PRKCA: variants seen among roughly 807,000 people sequenced by gnomAD.
The protein encoded by PRKCA is protein kinase C alpha type.
Under a neutral mutation model 87.0 loss-of-function variants are expected in PRKCA, and 27 were observed. That is an observed-to-expected ratio of 0.31 (90% CI 0.23 to 0.43). The LOEUF (loss-of-function observed/expected upper bound fraction) is 0.43, where lower values mean the gene tolerates loss of function less well. PRKCA is among the 20% of genes least tolerant of loss of function. The pLI is 1.00. For synonymous variants in PRKCA, 329 were observed against 311.1 expected (o/e 1.06, Z -0.61); for missense variants, 518 against 852.3 (o/e 0.61, Z 4.88).
intron 14 of PRKCA, among the ~76,000 whole-genome samples, chr17:66,781,604 G>A (rs988202831): frequency 3.9e-5 from 6 of 152,126 alleles, no homozygotes; most frequent in Non-Finnish European, 8.8e-5. Context: ...TCACAGGGAC[G>A]TGTATCGTAT....
intron 13 of PRKCA, among the ~76,000 whole-genome samples, chr17:66,762,165 C>T (rs1158653837): frequency 6.6e-6 from 1 of 152,136 alleles, no homozygotes; most frequent in African/African-American, 2.4e-5. Context: ...TTTCAGGTGC[C>T]AACAATCATT....
intron 2 of PRKCA, among the ~76,000 whole-genome samples, chr17:66,486,100 A>G (rs561571708): frequency 1.3e-5 from 2 of 150,508 alleles, no homozygotes; most frequent in South Asian, 2.1e-4. Flanking sequence ...TCTGAAATCA[A>G]CCCCCAAACA....
chr17:66,450,153 TC>T (rs897114968), intron 2 of PRKCA, among the ~76,000 whole-genome samples: 8 of 152,240 alleles, frequency 5.3e-5, no homozygotes, highest in Non-Finnish European at 1.0e-4. Flanking sequence ...TGAGTGGAGT[TC>T]CTGTTTCATG....
chr17:66,723,085 A>T (rs115518648), intron 8 of PRKCA, among the ~76,000 whole-genome samples: 38 of 152,294 alleles, frequency 2.5e-4, no homozygotes, highest in African/African-American at 8.9e-4. Flanking sequence ...GTGGGAGCCC[A>T]CGGGGATGTG....
intron 2 of PRKCA, among the ~76,000 whole-genome samples, chr17:66,424,493 G>T (rs1912672573): frequency 1.3e-5 from 2 of 151,322 alleles, no homozygotes; most frequent in Non-Finnish European, 2.9e-5. Flanking sequence ...CTTGAACCCA[G>T]GAGGCAGAGA....
chr17:66,521,704 C>T (rs529247610), intron 3 of PRKCA, among the ~76,000 whole-genome samples: 2 of 152,242 alleles, frequency 1.3e-5, no homozygotes, highest in East Asian at 3.9e-4. Context: ...TGCAGTAGGA[C>T]TGTTTTCAAG....
rs1021913413 is a variant in PRKCA, at chr17:66,750,375, G to A, written c.1524+7615G>A. Among the ~76,000 whole-genome samples the A allele has an allele frequency of 4.2e-4, 64 of 152,178 alleles. 1 individual carries two copies. Among genetic ancestry groups the A allele is most frequent in the Non-Finnish European group, 1.2e-4 (8 of 68,040 alleles). ...GCGTTGCAAGAGAGAAAATGAAGCC[G>A]CCGCTTTCCCTCAAAGAAATATTTA... On this transcript the variant is annotated intron_variant, in intron 13 of 16. Coordinates refer to ENST00000413366, the MANE Select transcript of PRKCA (RefSeq NM_002737.3).
At chr17:66,714,453 C>T (rs1277988280) in intron 8 of PRKCA, among the ~76,000 whole-genome samples, 1 of 152,232 alleles carries the variant, frequency 6.6e-6, no homozygotes, top group Non-Finnish European at 1.5e-5. Context: ...ACCAGCTCCT[C>T]AGTCCTGTCC....
chr17:66,558,535 G>A (rs1365229166), intron 3 of PRKCA, among the ~76,000 whole-genome samples: 1 of 152,190 alleles, frequency 6.6e-6, no homozygotes, highest in African/African-American at 2.4e-5. Context: ...TGCAGGCTGA[G>A]GCAGGTGAGC....
At chr17:66,528,618 C>T (rs902054420) in intron 3 of PRKCA, among the ~76,000 whole-genome samples, 14 of 152,106 alleles carry the variant, frequency 9.2e-5, no homozygotes, top group African/African-American at 2.4e-4. Context: ...CAGGGGCCCC[C>T]GGAACTCTGC....
intron 3 of PRKCA, among the ~76,000 whole-genome samples, chr17:66,576,448 A>C (rs925489788): frequency 1.3e-5 from 2 of 152,258 alleles, no homozygotes; most frequent in African/African-American, 4.8e-5. Context: ...GAAGAGCTTG[A>C]TAATTCTGGA....
intron 2 of PRKCA, among the ~76,000 whole-genome samples, chr17:66,405,449 G>A (rs1911314089): frequency 6.6e-6 from 1 of 152,120 alleles, no homozygotes; most frequent in Non-Finnish European, 1.5e-5. Flanking sequence ...TCTGGATCGG[G>A]TCCAGCCCTT....
intron 3 of PRKCA, among the ~76,000 whole-genome samples, chr17:66,540,678 G>T (rs12453472): frequency 0.035 from 5,276 of 152,328 alleles, 125 homozygotes; most frequent in Non-Finnish European, 0.05. Flanking sequence ...GGCTGAGACG[G>T]AATTCAGGCT....
chr17:66,712,569 GCTC>G (rs1430351442), intron 8 of PRKCA, among the ~76,000 whole-genome samples: 2 of 152,226 alleles, frequency 1.3e-5, no homozygotes, highest in East Asian at 3.9e-4. Flanking sequence ...TTCTTGCCTG[GCTC>G]CTCCTAGCTC....
intron 2 of PRKCA, among the ~76,000 whole-genome samples, chr17:66,392,464 C>T (rs184993480): frequency 1.3e-4 from 20 of 152,284 alleles, no homozygotes; most frequent in African/African-American, 4.3e-4. Flanking sequence ...TCAAAAAACT[C>T]ATTCCCCTTT....
chr17:66,701,139 C>T (rs1171602269), intron 8 of PRKCA, among the ~76,000 whole-genome samples: 1 of 152,044 alleles, frequency 6.6e-6, no homozygotes, highest in East Asian at 1.9e-4. Context: ...AGAAATAAAC[C>T]CCACACATAC....
In PRKCA at chr17:66,792,954, A is replaced by G. The variant is rs1975575978; in HGVS notation, c.1854+3975A>G. On this transcript the variant is annotated intron_variant, in intron 16 of 16. Coordinates refer to ENST00000413366, the MANE Select transcript of PRKCA (RefSeq NM_002737.3). This position sits in a 1 kb window ranked among gnomAD's most constrained non-coding sequence, Gnocchi z 4.5. The stretch of plus-strand genomic sequence containing the variant: ...GGACAGAGCCATGTCTGTCCCTAAA[A>G]AGCTACCATGTGCCACCGTGAAGAT... Among the ~76,000 whole-genome samples the G allele has an allele frequency of 6.6e-6, 1 of 152,178 alleles. No individual in the cohort carries two copies. Among genetic ancestry groups the G allele is most frequent in the Non-Finnish European group, 1.5e-5 (1 of 68,024 alleles).
intron 2 of PRKCA, among the ~76,000 whole-genome samples, chr17:66,314,961 G>GTGTGTATATA (rs1905241433): frequency 6.6e-6 from 1 of 151,330 alleles, no homozygotes; most frequent in Non-Finnish European, 1.5e-5. Flanking sequence ...ATGTATATAT[G>GTGTGTATATA]TGTGTATATA....
At chr17:66,463,554 C>T (rs1371716364) in intron 2 of PRKCA, among the ~76,000 whole-genome samples, 1 of 151,988 alleles carries the variant, frequency 6.6e-6, no homozygotes, top group Admixed American at 6.6e-5. Flanking sequence ...TGCCACCATG[C>T]CCAGCTAATT....
Sources: gnomAD v4.1 joint callset for allele counts (sites outside exome capture counted in the v4.1 genomes callset) on GRCh38, gnomAD v4.1.1 for gene constraint, Gnocchi (gnomAD v3.1) non-coding constraint, MANE v1.5 for transcripts, NCBI Gene and HGNC (gene_info 2026-07-23, HGNC 2026-07-21) for gene names.